Variants in ZNF438 observed in about 807,000 individuals in gnomAD.
The protein encoded by ZNF438 is zinc finger protein 438.
A neutral mutation model predicts 38.0 loss-of-function variants in ZNF438; 25 were observed. The ratio of observed to expected loss-of-function variants is 0.66; its 90% CI spans 0.48 to 0.92. ZNF438 has a LOEUF of 0.92. Ranked by LOEUF, ZNF438 falls within the 40% of genes least tolerant of loss-of-function variation. The pLI is 0.00. For synonymous variants in ZNF438, 372 were observed against 364.1 expected (o/e 1.02, Z -0.25); for missense variants, 1,007 against 999.6 (o/e 1.01, Z -0.10).
intron 1 of ZNF438, among the ~76,000 whole-genome samples, chr10:30,958,741 C>A (rs1014584110): frequency 6.8e-6 from 1 of 146,872 alleles, no homozygotes; most frequent in African/African-American, 2.4e-5. Flanking sequence ...ACCCCTAGTT[C>A]CCCTCTAATC....
chr10:30,932,548 G>C (rs187195160), intron 2 of ZNF438, among the ~76,000 whole-genome samples: 1 of 152,176 alleles, frequency 6.6e-6, no homozygotes, highest in African/African-American at 2.4e-5. Context: ...CTGAGGCAGT[G>C]GGTAATCAGC....
At chr10:30,992,246 T>G (rs2053577338) in intron 1 of ZNF438, among the ~76,000 whole-genome samples, 1 of 152,106 alleles carries the variant, frequency 6.6e-6, no homozygotes, top group South Asian at 2.1e-4. Flanking sequence ...AGACGTAGGA[T>G]TTTTGCTATA....
rs935397938 is a variant in ZNF438 at position 30,861,656 on chromosome 10, C to T, written c.38-11289G>A. Reference sequence around the variant, plus strand: ...AATGATTCTCAATTTCAATGAATTTCTTCTTCATTCTAATTATGAAGCTTT... The same window carrying T: ...AATGATTCTCAATTTCAATGAATTTTTTCTTCATTCTAATTATGAAGCTTT... On this transcript the variant is annotated intron_variant, in intron 4 of 5. Coordinates refer to ENST00000413025, the Ensembl canonical transcript of ZNF438. 7.1e-5 allele frequency among the ~76,000 whole-genome samples: 10 copies of T among 141,388 alleles called. No individual in the cohort carries two copies. In the East Asian group the frequency reaches 2.0e-3, roughly 28 times the overall value. 92.8% of individuals were successfully genotyped at this position (141,388 alleles called of 152,430 possible).
At chr10:30,902,044 G>C (rs1040042960) in intron 3 of ZNF438, among the ~76,000 whole-genome samples, 1 of 152,062 alleles carries the variant, frequency 6.6e-6, no homozygotes, top group Non-Finnish European at 1.5e-5. Flanking sequence ...AGCTCATAAA[G>C]GCAGTGTGGA....
chr10:31,017,152 A>G (rs1209685487), intron 1 of ZNF438, among the ~76,000 whole-genome samples: 1 of 152,220 alleles, frequency 6.6e-6, no homozygotes, highest in Non-Finnish European at 1.5e-5. Flanking sequence ...GCAAACACAC[A>G]TTTTTATCAA....
At chr10:30,924,305 G>A (rs1022052421) in intron 2 of ZNF438, among the ~76,000 whole-genome samples, 5 of 152,186 alleles carry the variant, frequency 3.3e-5, no homozygotes, top group African/African-American at 1.2e-4. Flanking sequence ...TGGGAGCTCA[G>A]TCTAAAATCC....
chr10:30,999,967 G>A (rs1020532162), intron 1 of ZNF438, among the ~76,000 whole-genome samples: 1 of 152,198 alleles, frequency 6.6e-6, no homozygotes, highest in African/African-American at 2.4e-5. Context: ...TTTAGAAGAT[G>A]AGGCCTTTGA....
intron 1 of ZNF438, among the ~76,000 whole-genome samples, chr10:30,990,916 A>G (rs372037418): frequency 1.8e-4 from 27 of 152,308 alleles, no homozygotes; most frequent in Admixed American, 1.3e-3. Flanking sequence ...GGAGGAATGA[A>G]GAGTGCCATA....
At chr10:31,018,316 T>C (rs901193854) in intron 1 of ZNF438, among the ~76,000 whole-genome samples, 2 of 152,248 alleles carry the variant, frequency 1.3e-5, no homozygotes, top group African/African-American at 4.8e-5. Flanking sequence ...TCAACTCTAA[T>C]TGCAAACTGG....
chr10:30,898,511 C>T (rs1351512903), intron 3 of ZNF438, among the ~76,000 whole-genome samples: 1 of 151,902 alleles, frequency 6.6e-6, no homozygotes, highest in African/African-American at 2.4e-5. Context: ...GGGTATAATA[C>T]ATGTATGTGT....
At chr10:30,927,900 C>T (rs1398859867) in intron 2 of ZNF438, among the ~76,000 whole-genome samples, 1 of 151,936 alleles carries the variant, frequency 6.6e-6, no homozygotes, top group Non-Finnish European at 1.5e-5. Flanking sequence ...AAATTCTCTA[C>T]AAAATATCCA....
intron 1 of ZNF438, among the ~76,000 whole-genome samples, chr10:30,951,787 G>C (rs936505523): frequency 2.0e-5 from 3 of 149,128 alleles, no homozygotes; most frequent in East Asian, 1.9e-4. Flanking sequence ...ATGCTCATGT[G>C]TAGGAAGAAT....
chr10:30,947,886 G>A (rs1005169990), intron 1 of ZNF438, among the ~76,000 whole-genome samples: 7 of 151,386 alleles, frequency 4.6e-5, no homozygotes, highest in South Asian at 2.1e-4. Flanking sequence ...GCTTCGGCTC[G>A]CGCACCCACT....
intron 3 of ZNF438, among the ~76,000 whole-genome samples, chr10:30,894,345 T>C (rs1481637225): frequency 6.6e-6 from 1 of 152,180 alleles, no homozygotes; most frequent in East Asian, 1.9e-4. Flanking sequence ...CTTAATAATT[T>C]CCTGCCAGTT....
intron 1 of ZNF438, among the ~76,000 whole-genome samples, chr10:30,969,856 C>T (rs1324873913): frequency 4.6e-5 from 7 of 151,928 alleles, no homozygotes; most frequent in African/African-American, 1.2e-4. Context: ...TCATCATAAC[C>T]ATTTACAAAT....
exon 6 of ZNF438, chr10:30,844,872 C>T (rs1028378683): frequency 1.4e-6 from 2 of 1,476,078 alleles, no homozygotes; most frequent in Non-Finnish European, 1.8e-6. Context: ...GTTGTTTGAT[C>T]TTTGTGACTA....
rs182979728 is a variant in ZNF438 at position 30,896,674 on chromosome 10, G to C, written c.-32+12259C>G. Among the ~76,000 whole-genome samples, 127 of 152,256 alleles carry C rather than the reference G, an allele frequency of 8.3e-4. 2 individuals are homozygous for C. Among genetic ancestry groups the C allele is most frequent in the Admixed American group, 7.1e-3 (108 of 15,294 alleles). On this transcript the variant is annotated intron_variant, in intron 3 of 5. Coordinates refer to ENST00000413025, the Ensembl canonical transcript of ZNF438. ...GGGTTGTGGGGAGGAGGGGAGGCCG[G>C]AAGAGAAGAAACCAGGGAGAAATTG...
chr10:30,865,262 T>C (rs1564518791), intron 4 of ZNF438, among the ~76,000 whole-genome samples: 1 of 152,162 alleles, frequency 6.6e-6, no homozygotes, highest in Admixed American at 6.5e-5. Context: ...ACTGGAGAGG[T>C]AGTTAATGAA....
chr10:31,009,815 T>C (rs1230993530), intron 1 of ZNF438, among the ~76,000 whole-genome samples: 1 of 151,704 alleles, frequency 6.6e-6, no homozygotes, highest in Non-Finnish European at 1.5e-5. Flanking sequence ...CTCCAACAGC[T>C]AGGCCATCAC....
Sources: gnomAD v4.1 joint callset for allele counts (sites outside exome capture counted in the v4.1 genomes callset) on GRCh38, gnomAD v4.1.1 for gene constraint, MANE v1.5 for transcripts, NCBI Gene and HGNC (gene_info 2026-07-23, HGNC 2026-07-21) for gene names.